CCNH: variants seen among roughly 807,000 people sequenced by gnomAD.
CCNH encodes the protein cyclin-H.
Under a neutral mutation model 41.9 loss-of-function variants are expected in CCNH, and 31 were observed. That is an observed-to-expected ratio of 0.74 (90% CI 0.56 to 1.00). CCNH has a LOEUF of 1.00. Among genes scored for constraint, CCNH ranks in the 50% least tolerant of loss-of-function variants. The probability of loss-of-function intolerance (pLI) is 0.00; values close to 1 mark genes in which losing one functional copy is unlikely to be tolerated. For missense variants in CCNH, 362 were observed against 388.4 expected, an observed-to-expected ratio of 0.93 and a Z score of 0.57; for synonymous variants, 138 against 136.1, an observed-to-expected ratio of 1.01 and a Z score of -0.10.
chr5:87,382,305 A>G (rs908994745), intron 9 of CCNH, among the ~76,000 whole-genome samples: 1 of 152,210 alleles, frequency 6.6e-6, no homozygotes, highest in Admixed American at 6.5e-5. Context: ...TTACTTTCTA[A>G]GAGTCCAAAA....
intron 9 of CCNH, among the ~76,000 whole-genome samples, chr5:87,325,290 A>G (rs770865411): frequency 6.6e-6 from 1 of 152,242 alleles, no homozygotes; most frequent in Admixed American, 6.5e-5. Flanking sequence ...GGTCCCACCC[A>G]CAACATGTGG....
chr5:87,362,619 A>C (rs1239635800), intron 9 of CCNH: 1 of 1,598,708 alleles, frequency 6.3e-7, no homozygotes, highest in Admixed American at 1.7e-5. Context: ...GTCGTAAAAC[A>C]AAGGATGCCT....
chr5:87,327,948 C>A (rs574625477), intron 9 of CCNH, among the ~76,000 whole-genome samples: 1 of 146,742 alleles, frequency 6.8e-6, no homozygotes, highest in African/African-American at 2.5e-5. Flanking sequence ...ACCTGGGTAA[C>A]AGAGCAAGAC....
At chr5:87,377,183 C>A, upstream of CCNH, 1 of 1,075,796 alleles carries the variant, frequency 9.3e-7, no homozygotes, top group Non-Finnish European at 1.4e-6. Flanking sequence ...TTAAAAATTG[C>A]AGTTGGATGT....
chr5:87,333,263 C>G (rs760473638), intron 9 of CCNH: 1 of 1,605,072 alleles, frequency 6.2e-7, no homozygotes, highest in Non-Finnish European at 8.5e-7. Flanking sequence ...TTTATGGTTT[C>G]TAGCCAGTAG....
chr5:87,318,222 A>G (rs559900121), downstream of CCNH, among the ~76,000 whole-genome samples: 6 of 152,174 alleles, frequency 3.9e-5, no homozygotes, highest in Admixed American at 1.3e-4. Context: ...AAAGCACTGT[A>G]CTAAGAATGC....
At chr5:87,327,701 A>T (rs1011876146) in intron 9 of CCNH, among the ~76,000 whole-genome samples, 3 of 152,196 alleles carry the variant, frequency 2.0e-5, no homozygotes, top group African/African-American at 4.8e-5. Context: ...GCAGTGGCTC[A>T]CACCTGTAAT....
intron 5 of CCNH, among the ~76,000 whole-genome samples, chr5:87,402,693 G>C (rs1329197391): frequency 2.0e-5 from 3 of 152,006 alleles, no homozygotes; most frequent in African/African-American, 7.2e-5. Flanking sequence ...AATAAATTTT[G>C]GATCTGAAAA....
chr5:87,380,781 C>T (rs1761656116), upstream of CCNH, among the ~76,000 whole-genome samples: 1 of 152,146 alleles, frequency 6.6e-6, no homozygotes, highest in South Asian at 2.1e-4. Flanking sequence ...CTGCCGTTTG[C>T]ATTTTCTAAA....
chr5:87,394,129 GTT>G (rs1052371138), downstream of CCNH: 3 of 445,794 alleles, frequency 6.7e-6, no homozygotes, highest in Non-Finnish European at 9.4e-6. Flanking sequence ...TGGCTACTAA[GTT>G]TTGTTTTTTG....
intron 9 of CCNH, chr5:87,385,251 G>C (rs1004959968): frequency 8.8e-7 from 1 of 1,141,570 alleles, no homozygotes; most frequent in Non-Finnish European, 1.3e-6. Flanking sequence ...TGGTTTAGCT[G>C]GAAGTGCTGT....
chr5:87,355,952 A>G, intron 9 of CCNH, among the ~76,000 whole-genome samples: 1 of 152,190 alleles, frequency 6.6e-6, no homozygotes, highest in African/African-American at 2.4e-5. Context: ...TGAAGATGTG[A>G]CTGAATTACT....
chr5:87,361,147 T>C (rs4421140), intron 9 of CCNH, among the ~76,000 whole-genome samples: 30,091 of 152,054 alleles, frequency 0.2, 3,511 homozygotes, highest in East Asian at 0.45. Flanking sequence ...GTGTGTCCAC[T>C]AAAGTCTGTC....
downstream of CCNH, among the ~76,000 whole-genome samples, chr5:87,313,944 G>T (rs1258768172): frequency 6.6e-6 from 1 of 152,158 alleles, no homozygotes; most frequent in African/African-American, 2.4e-5. Flanking sequence ...GAGGTGGGCG[G>T]ATCACCTGAG....
rs557455567 is a variant in CCNH, at chr5:87,331,574, A to C, written c.*91-12677T>G. ...ATAATATTCATAAATATACCTGTAT[A>C]ATAAAGGTGAATGACTCAGTAACAA... is the stretch of plus-strand genomic sequence containing the variant. On this transcript the variant is annotated intron_variant and NMD_transcript_variant, in intron 9 of 9. Coordinates refer to the CCNH transcript ENST00000645953. 45 of 1,472,952 alleles carry C rather than the reference A, an allele frequency of 3.1e-5. No individual in the cohort carries two copies. The South Asian group carries it at 4.6e-4, about 15-fold the overall frequency. The allele number at this position is 1,472,952 out of a possible 1,614,324, so 91.2% of individuals were successfully genotyped here. A position where few individuals can be genotyped will look rare whatever the true frequency, so the allele number is the denominator to read the frequency against.
chr5:87,380,084 G>A (rs1761604523), upstream of CCNH, among the ~76,000 whole-genome samples: 1 of 152,104 alleles, frequency 6.6e-6, no homozygotes, highest in Admixed American at 6.6e-5. Context: ...CTTGGGGAGT[G>A]AATAGAGGTT....
At chr5:87,349,197 C>CAA (rs769135569) in intron 9 of CCNH, 16 of 1,610,174 alleles carry the variant, frequency 9.9e-6, no homozygotes, top group Non-Finnish European at 1.4e-5. Flanking sequence ...GAAAAACTAA[C>CAA]AGCTTAATTC....
intron 7 of CCNH, 86 bp downstream of exon 7, chr5:87,399,308 T>C (rs1309632552): frequency 3.2e-6 from 3 of 947,358 alleles, no homozygotes; most frequent in South Asian, 2.7e-5. Context: ...TTTCCTCTAA[T>C]GAGCAAACAC....
Position 87,346,786 on chromosome 5 carries a change from C to T in CCNH, c.*91-27889G>A. The T allele has an allele frequency of 7.8e-6, 10 of 1,286,976 alleles. No homozygotes were observed. The South Asian group carries it at 1.2e-4, about 16-fold the overall frequency. 79.7% of individuals were successfully genotyped at this position (1,286,976 alleles called of 1,614,324 possible). A position where few individuals can be genotyped will look rare whatever the true frequency, so the allele number is the denominator to read the frequency against. On this transcript the variant is annotated intron_variant and NMD_transcript_variant, in intron 9 of 9. Coordinates refer to the CCNH transcript ENST00000645953. ...TAAAGAGAATAAAAAAGTGAACAAA[C>T]CATTTATCATGTGTTTTGCCTTTAG...
Sources: allele counts gnomAD v4.1 joint callset (sites outside exome capture counted in the v4.1 genomes callset), GRCh38; gene constraint gnomAD v4.1.1; transcripts MANE v1.5; gene names NCBI Gene and HGNC (gene_info 2026-07-23, HGNC 2026-07-21).